The following SGK1 variants were observed in gnomAD, a reference collection of about 807,000 sequenced individuals.
The protein encoded by SGK1 is serum/glucocorticoid regulated kinase 1.
In SGK1, 26 loss-of-function variants were observed where a neutral mutation model predicts 64.2. That is an observed-to-expected ratio of 0.40 (90% CI 0.30 to 0.56). The LOEUF (loss-of-function observed/expected upper bound fraction) is 0.56. Ranked by LOEUF, SGK1 falls within the 20% of genes least tolerant of loss-of-function variation. The pLI, the probability that SGK1 is intolerant of heterozygous loss-of-function variation, is 0.38. For missense variants in SGK1, 519 were observed against 645.6 expected (o/e 0.80, Z 2.12); for synonymous variants, 265 against 239.7 (o/e 1.11, Z -0.98).
intron 4 of SGK1, 93 bp downstream of exon 4, chr6:134,174,418 T>C: frequency 1.2e-6 from 1 of 857,416 alleles, no homozygotes; most frequent in East Asian, 2.5e-5. Flanking sequence ...CCAGAAGAAG[T>C]CTTCGCCTTC....
intron 3 of SGK1, among the ~76,000 whole-genome samples, chr6:134,185,555 A>T (rs1460834707): frequency 4.4e-4 from 64 of 145,410 alleles, no homozygotes; most frequent in Non-Finnish European, 7.6e-4. Flanking sequence ...TATCTCTATG[A>T]GTGTGTGTGT....
At chr6:134,206,570 T>C (rs957688453) in intron 3 of SGK1, among the ~76,000 whole-genome samples, 11 of 150,290 alleles carry the variant, frequency 7.3e-5, no homozygotes, top group Non-Finnish European at 1.2e-4. Flanking sequence ...ACTTTTAGGG[T>C]AAAATTGATT....
intron 2 of SGK1, chr6:134,261,373 C>T (rs967852388): frequency 1.2e-5 from 2 of 162,712 alleles, no homozygotes; most frequent in Admixed American, 1.2e-4. Context: ...CTGTATCAGT[C>T]TTGGACCCAC....
intron 2 of SGK1, among the ~76,000 whole-genome samples, chr6:134,253,073 C>T (rs1260693546): frequency 2.0e-5 from 3 of 152,094 alleles, no homozygotes; most frequent in Non-Finnish European, 2.9e-5. Flanking sequence ...ACTTCCAAGC[C>T]TTCTGGGCTT....
chr6:134,286,992 C>T (rs552701432), intron 1 of SGK1, among the ~76,000 whole-genome samples: 1 of 151,834 alleles, frequency 6.6e-6, no homozygotes, highest in Non-Finnish European at 1.5e-5. Context: ...TTGGAGAAGT[C>T]TTTTTTTGTT....
rs902491957 is a variant in SGK1 at position 134,183,129 on chromosome 6, T to A, written c.362-8543A>T. Among the ~76,000 whole-genome samples, 12 of 152,348 alleles carry A rather than the reference T, an allele frequency of 7.9e-5. No individual in the cohort carries two copies. The South Asian group carries it at 1.2e-3, about 16-fold the overall frequency. ...TGAACCTAGCCTCTGTTAGTTTTAATCATTCAGATCTCTGTGGTGCACCTC... is the reference window on the plus strand; with the variant it reads ...TGAACCTAGCCTCTGTTAGTTTTAAACATTCAGATCTCTGTGGTGCACCTC... On this transcript the variant is annotated intron_variant, in intron 3 of 13. Coordinates refer to ENST00000367858, the MANE Select transcript of SGK1 (RefSeq NM_001143676.3).
intron 3 of SGK1, among the ~76,000 whole-genome samples, chr6:134,202,553 C>T (rs1346965923): frequency 6.6e-6 from 1 of 151,960 alleles, no homozygotes; most frequent in Middle Eastern, 3.2e-3. Flanking sequence ...AGACAGGAGA[C>T]AGGAGAATTG....
chr6:134,305,766 C>T (rs909097845), intron 1 of SGK1, among the ~76,000 whole-genome samples: 1 of 152,040 alleles, frequency 6.6e-6, no homozygotes, highest in Non-Finnish European at 1.5e-5. Context: ...CCCACCTCAG[C>T]CTCCCAAAGT....
chr6:134,307,998 G>A (rs1015296952), intron 1 of SGK1, among the ~76,000 whole-genome samples: 3 of 152,198 alleles, frequency 2.0e-5, no homozygotes, highest in African/African-American at 7.2e-5. Context: ...CCCAGCACGT[G>A]TATATTCTAG....
rs553075712 is a variant in SGK1 at position 134,271,786 on chromosome 6, C to A, written c.70-9638G>T. ...CCCACTCTTCACCCTCCAGTAGACCCCAGTATCTGTTGTTTCCTTCTTTGT... is the reference window on the plus strand; with the variant it reads ...CCCACTCTTCACCCTCCAGTAGACCACAGTATCTGTTGTTTCCTTCTTTGT... On this transcript the variant is annotated intron_variant, in intron 1 of 13. Coordinates refer to ENST00000367858, the MANE Select transcript of SGK1 (RefSeq NM_001143676.3). Among the ~76,000 whole-genome samples the A allele has an allele frequency of 2.0e-5, 3 of 147,868 alleles. No individual in the cohort carries two copies. The South Asian group carries it at 6.6e-4, about 33-fold the overall frequency.
chr6:134,206,362 TATATATATATATA>T (rs1775775475), intron 3 of SGK1, among the ~76,000 whole-genome samples: 2 of 6,978 alleles, frequency 2.9e-4, no homozygotes, highest in East Asian at 2.9e-3. Flanking sequence ...TATATATATA[TATATATATATATA>T]TATATATATT....
chr6:134,236,402 G>A (rs1233337931), intron 2 of SGK1, among the ~76,000 whole-genome samples: 3 of 152,126 alleles, frequency 2.0e-5, no homozygotes, highest in Non-Finnish European at 2.9e-5. Flanking sequence ...TGAGGTGGGC[G>A]AATTGCTTGA....
chr6:134,295,667 C>T (rs899145593), intron 1 of SGK1, among the ~76,000 whole-genome samples: 5 of 150,486 alleles, frequency 3.3e-5, no homozygotes, highest in Non-Finnish European at 7.4e-5. Context: ...CGTGCCACTG[C>T]ACTCTAGCCT....
In SGK1 at chr6:134,173,337, C is replaced by T. The variant is rs1775093868; in HGVS notation, c.639G>A (p.Lys213=). The change falls in exon 7 of 14, where the codon AAG becomes AAA. Residue 213 remains lysine, a synonymous_variant. Transcript: ENST00000367858. ...TGACTGCATAGAACACTTCTTCTGC[C>T]TTGTGTCTTGCTAGAAGAACCTGAA... ...SFGKVLLARH[K]AEEVFYAVKV... The T allele has an allele frequency of 1.2e-6, 2 of 1,613,248 alleles. No homozygotes were observed. Among genetic ancestry groups the T allele is most frequent in the Non-Finnish European group, 8.5e-7 (1 of 1,179,396 alleles).
At chr6:134,227,244 C>T (rs1776197474) in intron 2 of SGK1, among the ~76,000 whole-genome samples, 2 of 152,160 alleles carry the variant, frequency 1.3e-5, no homozygotes, top group Non-Finnish European at 2.9e-5. Context: ...AAGTGATTCT[C>T]CTGCCTCAGC....
chr6:134,261,046 T>A (rs1409539556), intron 2 of SGK1: 1 of 152,188 alleles, frequency 6.6e-6, no homozygotes, highest in African/African-American at 2.4e-5. Context: ...AAAAATATAA[T>A]CTTAAATTTT....
intron 2 of SGK1, among the ~76,000 whole-genome samples, chr6:134,253,644 C>T (rs1026676272): frequency 1.3e-5 from 2 of 152,054 alleles, no homozygotes; most frequent in Non-Finnish European, 2.9e-5. Context: ...CAGAGTGAGA[C>T]CTTGTCTCAA....
intron 2 of SGK1, chr6:134,259,844 C>T (rs1312476325): frequency 1.3e-5 from 2 of 152,198 alleles, no homozygotes; most frequent in South Asian, 2.1e-4. Flanking sequence ...GTTGAACCAA[C>T]ATCTGGCTAA....
At chr6:134,227,024 G>C (rs1158640076) in intron 2 of SGK1, among the ~76,000 whole-genome samples, 2 of 152,128 alleles carry the variant, frequency 1.3e-5, no homozygotes, top group East Asian at 3.9e-4. Flanking sequence ...GGAAAGCGTT[G>C]TGGTGTTTTC....
Sources: gnomAD v4.1 joint callset for allele counts (sites outside exome capture counted in the v4.1 genomes callset) on GRCh38, gnomAD v4.1.1 for gene constraint, MANE v1.5 for transcripts, NCBI Gene and HGNC (gene_info 2026-07-23, HGNC 2026-07-21) for gene names.